DRC8: variants seen among roughly 807,000 people sequenced by gnomAD.
DRC8 encodes dynein regulatory complex subunit 8, also known as dynein regulatory complex protein 8.
the DRC8 span, among the ~76,000 whole-genome samples, chr1:245,003,270 G>GA: frequency 6.6e-6 from 1 of 152,096 alleles, no homozygotes; most frequent in Non-Finnish European, 1.5e-5. Flanking sequence ...GTATCTGTTC[G>GA]AGTTCCCACT....
chr1:245,002,905 C>A, the DRC8 span, among the ~76,000 whole-genome samples: 2 of 152,062 alleles, frequency 1.3e-5, no homozygotes, highest in African/African-American at 2.4e-5. Context: ...ACTTCAGAAC[C>A]TTTTTGTCAC....
At chr1:244,970,546 C>G in the DRC8 span, 2 of 1,428,536 alleles carry the variant, frequency 1.4e-6, no homozygotes, top group Non-Finnish European at 1.8e-6. Flanking sequence ...ATCTGGAGTT[C>G]CCACCCGCAG....
At chr1:244,970,302 C>A in the DRC8 span, 6 of 1,008,300 alleles carry the variant, frequency 6.0e-6, no homozygotes, top group African/African-American at 4.7e-5. Context: ...CTTCCTCCCC[C>A]GGGATTCAGA....
chr1:245,108,814 T>G, the DRC8 span, among the ~76,000 whole-genome samples: 2 of 152,182 alleles, frequency 1.3e-5, no homozygotes, highest in Non-Finnish European at 2.9e-5. Flanking sequence ...CATCCCCTCC[T>G]TCCTTGACAG....
the DRC8 span, among the ~76,000 whole-genome samples, chr1:245,051,057 A>T: frequency 1.3e-5 from 2 of 151,884 alleles, no homozygotes; most frequent in African/African-American, 4.8e-5. Context: ...TTTGGTAGAG[A>T]TGGGGACTTG....
At chr1:245,120,293 C>G in the DRC8 span, among the ~76,000 whole-genome samples, 1 of 152,144 alleles carries the variant, frequency 6.6e-6, no homozygotes, top group Non-Finnish European at 1.5e-5. Flanking sequence ...CTCTACACAT[C>G]ACACTTTTCT....
chr1:245,093,692 T>C, the DRC8 span, among the ~76,000 whole-genome samples: 1,287 of 134,668 alleles, frequency 9.6e-3, 23 homozygotes, highest in African/African-American at 0.036. Flanking sequence ...CAAGACTCCA[T>C]CTCACAAAAA....
chr1:244,970,133 C>G, the DRC8 span: 1 of 680,604 alleles, frequency 1.5e-6, no homozygotes, highest in South Asian at 1.6e-5. Flanking sequence ...ATGCTAGGCC[C>G]GGGACAAGTC....
At chr1:245,005,820 A>G in the DRC8 span, among the ~76,000 whole-genome samples, 1 of 152,186 alleles carries the variant, frequency 6.6e-6, no homozygotes, top group Non-Finnish European at 1.5e-5. Flanking sequence ...CAAAAAAGAG[A>G]AGGGAAGCCT....
the DRC8 span, among the ~76,000 whole-genome samples, chr1:245,060,734 G>A: frequency 6.6e-6 from 1 of 152,242 alleles, no homozygotes; most frequent in Non-Finnish European, 1.5e-5. Context: ...GCTCAGGATA[G>A]TAAGTGAAGC....
the DRC8 span, among the ~76,000 whole-genome samples, chr1:245,098,786 T>C: frequency 6.6e-6 from 1 of 152,168 alleles, no homozygotes; most frequent in Non-Finnish European, 1.5e-5. Context: ...CTTCTCTGAG[T>C]AGGGAGGCCG....
At chr1:244,986,328 A>T in the DRC8 span, among the ~76,000 whole-genome samples, 12 of 152,148 alleles carry the variant, frequency 7.9e-5, no homozygotes, top group Admixed American at 7.9e-4. Context: ...CTAGTAACAG[A>T]TGGAACTGCG....
the DRC8 span, among the ~76,000 whole-genome samples, chr1:245,052,884 G>A: frequency 6.6e-6 from 1 of 152,230 alleles, no homozygotes; most frequent in South Asian, 2.1e-4. Flanking sequence ...AGAGGACCTT[G>A]CCTTGTACTA....
chr1:244,995,484 G>A, the DRC8 span, among the ~76,000 whole-genome samples: 2 of 151,984 alleles, frequency 1.3e-5, no homozygotes, highest in Non-Finnish European at 2.9e-5. Flanking sequence ...TCACCTTCCC[G>A]AGTAGCAAGA....
chr1:245,119,971 A>AATAG, the DRC8 span, among the ~76,000 whole-genome samples: 1 of 151,702 alleles, frequency 6.6e-6, no homozygotes, highest in Non-Finnish European at 1.5e-5. Flanking sequence ...TAAATAAATA[A>AATAG]AAGAGCAAGG....
the DRC8 span, among the ~76,000 whole-genome samples, chr1:245,104,377 G>GCA: frequency 6.6e-6 from 1 of 152,064 alleles, no homozygotes; most frequent in East Asian, 1.9e-4. Context: ...GGTGGCGCAT[G>GCA]CCTGTAATCC....
chr1:244,980,509 G>C, the DRC8 span, among the ~76,000 whole-genome samples: 1 of 152,144 alleles, frequency 6.6e-6, no homozygotes, highest in Non-Finnish European at 1.5e-5. Flanking sequence ...TAGTAGTCCA[G>C]AAAGATAAAA....
the DRC8 span, among the ~76,000 whole-genome samples, chr1:245,108,406 A>G: frequency 2.0e-5 from 3 of 152,172 alleles, no homozygotes; most frequent in Non-Finnish European, 4.4e-5. Context: ...CTTGGATGAA[A>G]AGACACATTG....
At chr1:245,035,098 A>G in the DRC8 span, among the ~76,000 whole-genome samples, 1 of 152,158 alleles carries the variant, frequency 6.6e-6, no homozygotes, top group Non-Finnish European at 1.5e-5. Flanking sequence ...ATATGTATAT[A>G]GATTGGAAGA....
Sources: gnomAD v4.1 joint callset for allele counts (sites outside exome capture counted in the v4.1 genomes callset) on GRCh38, gnomAD v4.1.1 for gene constraint, MANE v1.5 for transcripts, NCBI Gene and HGNC (gene_info 2026-07-23, HGNC 2026-07-21) for gene names.